The following XYLT1 variants were observed in gnomAD, a reference collection of about 807,000 sequenced individuals.
XYLT1 encodes xylosyltransferase 1.
XYLT1 carries 36 observed loss-of-function variants against 91.3 expected under a neutral mutation model. The ratio of observed to expected loss-of-function variants is 0.39; its 90% CI spans 0.30 to 0.52. XYLT1 has a LOEUF of 0.52. Ranked by LOEUF, XYLT1 falls within the 20% of genes least tolerant of loss-of-function variation. The probability of loss-of-function intolerance (pLI) is 0.68; values close to 1 mark genes in which losing one functional copy is unlikely to be tolerated. For missense variants in XYLT1, 1,242 were observed against 1,284.5 expected (o/e 0.97, Z 0.51); for synonymous variants, 588 against 532.0 (o/e 1.11, Z -1.45).
rs906137299 is a variant in XYLT1, at chr16:17,102,563, G to A, written c.*6132C>T. On this transcript the variant is annotated 3_prime_UTR_variant, in exon 12 of 12. Transcript: ENST00000261381. ...TGCAAAATAAAAAGACAGAAAAGGT[G>A]CAAAAAAGGGCAGGTAATGCAGTCA... 6.6e-6 allele frequency: 1 copy of A among 152,488 alleles called. No homozygotes were observed. Among genetic ancestry groups the A allele is most frequent in the African/African-American group, 2.4e-5 (1 of 41,408 alleles). The allele number at this position is 152,488 out of a possible 1,614,324, so 9.4% of individuals were successfully genotyped here.
At chr16:17,391,248 G>C (rs1305377227) in intron 1 of XYLT1, among the ~76,000 whole-genome samples, 1 of 152,232 alleles carries the variant, frequency 6.6e-6, no homozygotes, top group South Asian at 2.1e-4. Flanking sequence ...TGAACTAGGG[G>C]AAGATTTTTA....
chr16:17,327,634 G>A (rs200076652), intron 2 of XYLT1, among the ~76,000 whole-genome samples: 4 of 103,762 alleles, frequency 3.9e-5, no homozygotes, highest in African/African-American at 1.1e-4. Context: ...CCCCCGCCTC[G>A]GCCTCCCAAA....
chr16:17,396,637 G>A (rs1215087746), intron 1 of XYLT1, among the ~76,000 whole-genome samples: 2 of 152,188 alleles, frequency 1.3e-5, no homozygotes, highest in Admixed American at 6.5e-5. Context: ...TTGGGAGGCC[G>A]AGGCAGGCAG....
chr16:17,326,266 G>A (rs552810413), intron 2 of XYLT1, among the ~76,000 whole-genome samples: 74 of 152,206 alleles, frequency 4.9e-4, no homozygotes, highest in African/African-American at 1.5e-3. Context: ...CAACTTACTC[G>A]TCTTGCAGAA....
rs906551909 is a variant in XYLT1 at position 17,255,573 on chromosome 16, C to T, written c.913+3415G>A. 3.3e-5 allele frequency among the ~76,000 whole-genome samples: 5 copies of T among 152,188 alleles called. No individual in the cohort carries two copies. The South Asian group carries it at 8.3e-4, about 25-fold the overall frequency. ...ACAGGTTAACAAAAGATGCTGGAAA[C>T]GTTGCACTCCACTTAATTATTGCTA... On this transcript the variant is annotated intron_variant, in intron 3 of 11. Coordinates refer to ENST00000261381, the MANE Select transcript of XYLT1 (RefSeq NM_022166.4).
At chr16:17,177,428 A>G (rs964442107) in intron 5 of XYLT1, among the ~76,000 whole-genome samples, 7 of 152,154 alleles carry the variant, frequency 4.6e-5, no homozygotes, top group African/African-American at 1.4e-4. Flanking sequence ...CTTTCCTGAC[A>G]ATGTCATGAA....
At chr16:17,448,711 AGGAGGAAGAGGG>A (rs1303807405) in intron 1 of XYLT1, among the ~76,000 whole-genome samples, 2 of 108,222 alleles carry the variant, frequency 1.8e-5, no homozygotes, top group African/African-American at 3.4e-5. Context: ...AAGAGGGGGG[AGGAGGAAGAGGG>A]GGAAGGGGAG....
intron 1 of XYLT1, among the ~76,000 whole-genome samples, chr16:17,388,690 T>C (rs929418897): frequency 2.6e-5 from 4 of 152,228 alleles, no homozygotes; most frequent in Non-Finnish European, 5.9e-5. Flanking sequence ...TTAAGGATCC[T>C]GAAGCATCTC....
chr16:17,447,302 GA>G (rs780158892), intron 1 of XYLT1, among the ~76,000 whole-genome samples: 1 of 152,158 alleles, frequency 6.6e-6, no homozygotes, highest in Non-Finnish European at 1.5e-5. Context: ...GGAGGGACCT[GA>G]CAGCCAGGGG....
chr16:17,219,354 C>A (rs2032921673), intron 3 of XYLT1, among the ~76,000 whole-genome samples: 1 of 150,488 alleles, frequency 6.6e-6, no homozygotes, highest in African/African-American at 2.4e-5. Context: ...CTGGGTGACA[C>A]ACTGCAGGGC....
intron 2 of XYLT1, among the ~76,000 whole-genome samples, chr16:17,320,825 C>A (rs1252760489): frequency 8.5e-6 from 1 of 117,254 alleles, no homozygotes; most frequent in East Asian, 2.0e-4. Flanking sequence ...GGTTTTCTTA[C>A]CACGGAAATG....
At chr16:17,243,952 A>C (rs1357719951) in intron 3 of XYLT1, among the ~76,000 whole-genome samples, 1 of 152,154 alleles carries the variant, frequency 6.6e-6, no homozygotes, top group Non-Finnish European at 1.5e-5. Context: ...TTTGGACTGG[A>C]AAATCATTGT....
chr16:17,370,451 A>G (rs1408884306), intron 1 of XYLT1, among the ~76,000 whole-genome samples: 1 of 152,236 alleles, frequency 6.6e-6, no homozygotes. Flanking sequence ...TTACTTTCCC[A>G]GGGACTTCAT....
intron 1 of XYLT1, chr16:17,369,445 C>T (rs2035499354): frequency 6.6e-6 from 1 of 152,200 alleles, no homozygotes; most frequent in African/African-American, 2.4e-5. Context: ...ACATCCCCTT[C>T]TGTTTGCCAC....
intron 2 of XYLT1, among the ~76,000 whole-genome samples, chr16:17,350,818 G>A (rs544990357): frequency 5.3e-5 from 8 of 152,232 alleles, no homozygotes; most frequent in African/African-American, 1.4e-4. Context: ...CCGGAAGAAC[G>A]GAGAGGAGAC....
chr16:17,124,062 CTTGG>C (rs2030170697), intron 10 of XYLT1, among the ~76,000 whole-genome samples: 1 of 152,154 alleles, frequency 6.6e-6, no homozygotes, highest in Admixed American at 6.5e-5. Flanking sequence ...ACAGCAGACA[CTTGG>C]TTGGTGAATT....
At chr16:17,124,154 T>C (rs2030174487) in intron 10 of XYLT1, among the ~76,000 whole-genome samples, 1 of 152,216 alleles carries the variant, frequency 6.6e-6, no homozygotes, top group African/African-American at 2.4e-5. Flanking sequence ...TGAGGTACTA[T>C]TCTATTCATC....
In XYLT1 at chr16:17,108,439, G is replaced by T. The variant is rs1966807980; in HGVS notation, c.*256C>A. ...GAAGGGGAAGACAAGGAACCTGTAG[G>T]ACTTGAGGATCAACCAGAAGAGGTG... On this transcript the variant is annotated 3_prime_UTR_variant, in exon 12 of 12. Transcript: ENST00000261381. 2.5e-6 allele frequency: 1 copy of T among 403,612 alleles called. No individual in the cohort carries two copies. Among genetic ancestry groups the T allele is most frequent in the South Asian group, 9.1e-5 (1 of 11,014 alleles). 25.0% of individuals were successfully genotyped at this position (403,612 alleles called of 1,614,324 possible).
chr16:17,337,902 G>T (rs1435053551), intron 2 of XYLT1, among the ~76,000 whole-genome samples: 3 of 149,944 alleles, frequency 2.0e-5, no homozygotes, highest in Non-Finnish European at 4.4e-5. Context: ...TCAGCCTCCC[G>T]AGTAGCTGTG....
Sources: gnomAD v4.1 joint callset for allele counts (sites outside exome capture counted in the v4.1 genomes callset) on GRCh38, gnomAD v4.1.1 for gene constraint, MANE v1.5 for transcripts, NCBI Gene and HGNC (gene_info 2026-07-23, HGNC 2026-07-21) for gene names.